Variants in TENM2 observed in about 807,000 individuals in gnomAD.
TENM2 encodes the protein teneurin-2.
A neutral mutation model predicts 245.2 loss-of-function variants in TENM2; 52 were observed. The observed-to-expected ratio is 0.21, with a 90% confidence interval of 0.17 to 0.27. TENM2 has a LOEUF of 0.27. Among genes scored for constraint, TENM2 ranks in the 10% least tolerant of loss-of-function variants. The probability of loss-of-function intolerance (pLI) is 1.00; values close to 1 mark genes in which losing one functional copy is unlikely to be tolerated. For missense variants in TENM2, 3,046 were observed against 3,666.8 expected, an observed-to-expected ratio of 0.83 and a Z score of 4.37; for synonymous variants, 1,363 against 1,438.9, an observed-to-expected ratio of 0.95 and a Z score of 1.19.
intron 2 of TENM2, among the ~76,000 whole-genome samples, chr5:167,861,755 G>A (rs769563924): frequency 6.6e-6 from 1 of 152,182 alleles, no homozygotes; most frequent in Non-Finnish European, 1.5e-5. Context: ...AATTTGAGTG[G>A]AAGACTATTT....
At chr5:168,066,713 T>C (rs1253616279) in intron 7 of TENM2, among the ~76,000 whole-genome samples, 1 of 152,214 alleles carries the variant, frequency 6.6e-6, no homozygotes, top group Non-Finnish European at 1.5e-5. Flanking sequence ...AAAGTCAATC[T>C]GAGTCATTCT....
At chr5:168,227,170 T>G (rs1764273762) in intron 24 of TENM2, among the ~76,000 whole-genome samples, 1 of 152,108 alleles carries the variant, frequency 6.6e-6, no homozygotes, top group South Asian at 2.1e-4. Context: ...GTAAAAGGAG[T>G]CTCTGACTCA....
At chr5:167,573,779 T>G (rs1032928940) in intron 2 of TENM2, among the ~76,000 whole-genome samples, 1 of 151,210 alleles carries the variant, frequency 6.6e-6, no homozygotes, top group African/African-American at 2.4e-5. Flanking sequence ...TACAAAAGAT[T>G]AAAAGGTGGC....
intron 13 of TENM2, among the ~76,000 whole-genome samples, chr5:168,182,134 C>T (rs916579203): frequency 2.6e-5 from 4 of 152,236 alleles, no homozygotes; most frequent in African/African-American, 9.6e-5. Context: ...TTAAAAGGTT[C>T]GCAATGCAGG....
At chr5:168,040,786 CACTGCACTCAACTG>C (rs1788118368) in intron 5 of TENM2, among the ~76,000 whole-genome samples, 1 of 152,142 alleles carries the variant, frequency 6.6e-6, no homozygotes, top group African/African-American at 2.4e-5. Flanking sequence ...GAGGAAGAGG[CACTGCACTCAACTG>C]CATCCCCAAA....
At chr5:167,416,377 A>C (rs1395227694) in intron 2 of TENM2, among the ~76,000 whole-genome samples, 1 of 152,198 alleles carries the variant, frequency 6.6e-6, no homozygotes, top group African/African-American at 2.4e-5. Context: ...CATGTACTGC[A>C]TTTACAGCAA....
At chr5:167,417,327 C>T (rs900189841) in intron 2 of TENM2, among the ~76,000 whole-genome samples, 2 of 152,174 alleles carry the variant, frequency 1.3e-5, no homozygotes, top group Non-Finnish European at 2.9e-5. Context: ...TGCCATCATT[C>T]TATACTGGAG....
the TENM2 span, among the ~76,000 whole-genome samples, chr5:166,995,278 C>T: frequency 6.6e-6 from 1 of 151,686 alleles, no homozygotes; most frequent in Non-Finnish European, 1.5e-5. Context: ...CTCGCTCTGT[C>T]GCCCAGGCTG....
At chr5:167,596,890 G>A (rs1051425816) in intron 2 of TENM2, among the ~76,000 whole-genome samples, 22 of 152,194 alleles carry the variant, frequency 1.4e-4, no homozygotes, top group Non-Finnish European at 8.8e-5. Flanking sequence ...TGGAAGAAAG[G>A]TTTTCTCCAG....
chr5:167,509,286 G>A (rs760458763), intron 2 of TENM2, among the ~76,000 whole-genome samples: 1 of 152,148 alleles, frequency 6.6e-6, no homozygotes, highest in African/African-American at 2.4e-5. Context: ...ATTTCTAATT[G>A]TGGTGAGAAG....
At chr5:167,700,021 T>G (rs1758034398) in intron 2 of TENM2, among the ~76,000 whole-genome samples, 1 of 152,066 alleles carries the variant, frequency 6.6e-6, no homozygotes, top group Non-Finnish European at 1.5e-5. Context: ...CAGGGAAAAT[T>G]TTTACATAGC....
At chr5:166,998,178 A>T in the TENM2 span, among the ~76,000 whole-genome samples, 1 of 152,176 alleles carries the variant, frequency 6.6e-6, no homozygotes, top group African/African-American at 2.4e-5. Context: ...ATACAAGTGG[A>T]ATGCTGATAC....
chr5:168,166,910 C>G (rs1758350886), intron 13 of TENM2, among the ~76,000 whole-genome samples: 1 of 152,126 alleles, frequency 6.6e-6, no homozygotes, highest in African/African-American at 2.4e-5. Context: ...ACCCCCTTGG[C>G]TTTCAAAGTC....
intron 2 of TENM2, among the ~76,000 whole-genome samples, chr5:167,503,299 G>A (rs773203003): frequency 2.0e-5 from 3 of 152,110 alleles, no homozygotes; most frequent in Non-Finnish European, 4.4e-5. Flanking sequence ...ATATTATGCT[G>A]TATATACACT....
At chr5:168,046,739 A>T (rs1417574874) in intron 5 of TENM2, among the ~76,000 whole-genome samples, 1 of 152,196 alleles carries the variant, frequency 6.6e-6, no homozygotes. Flanking sequence ...AGACAGAAAG[A>T]ATAGTAATGT....
At chr5:167,698,223 A>G (rs957327850) in intron 2 of TENM2, among the ~76,000 whole-genome samples, 5 of 152,144 alleles carry the variant, frequency 3.3e-5, no homozygotes, top group Admixed American at 2.6e-4. Context: ...TTACCTTCGT[A>G]ACTACCTTTC....
chr5:168,050,896 A>G (rs1207286269), intron 6 of TENM2, among the ~76,000 whole-genome samples: 1 of 152,246 alleles, frequency 6.6e-6, no homozygotes, highest in Non-Finnish European at 1.5e-5. Flanking sequence ...GCTGGCTTTC[A>G]CATCAAGAAG....
At chr5:167,541,353 A>C (rs1469040247) in intron 2 of TENM2, among the ~76,000 whole-genome samples, 1 of 152,166 alleles carries the variant, frequency 6.6e-6, no homozygotes, top group Non-Finnish European at 1.5e-5. Flanking sequence ...TATCCTGCAG[A>C]GTTAATGATG....
At chr5:168,217,554 AT>A (rs1678792921) in intron 22 of TENM2, among the ~76,000 whole-genome samples, 1 of 152,154 alleles carries the variant, frequency 6.6e-6, no homozygotes, top group South Asian at 2.1e-4. Flanking sequence ...TGCTACTGAG[AT>A]TTTTATTTCA....
Sources: gnomAD v4.1 joint callset for allele counts (sites outside exome capture counted in the v4.1 genomes callset) on GRCh38, gnomAD v4.1.1 for gene constraint, MANE v1.5 for transcripts, NCBI Gene and HGNC (gene_info 2026-07-23, HGNC 2026-07-21) for gene names.